The following SP140 variants were observed in gnomAD, a reference collection of about 807,000 sequenced individuals.
SP140 encodes the protein nuclear body protein SP140.
Under a neutral mutation model 125.0 loss-of-function variants are expected in SP140, and 81 were observed. The ratio of observed to expected loss-of-function variants is 0.65; its 90% CI spans 0.54 to 0.78. The LOEUF (loss-of-function observed/expected upper bound fraction) is 0.78. SP140 is among the 30% of genes least tolerant of loss of function. The pLI, the probability that SP140 is intolerant of heterozygous loss-of-function variation, is 0.00. For synonymous variants in SP140, 312 were observed against 354.0 expected (o/e 0.88, Z 1.33); for missense variants, 858 against 1,037.0 (o/e 0.83, Z 2.37).
upstream of SP140, chr2:230,202,436 T>C (rs2148860016): frequency 1.3e-6 from 1 of 741,740 alleles, no homozygotes; most frequent in Non-Finnish European, 2.2e-6. Context: ...CTCTCTTTGT[T>C]CCTCTTGTTA....
chr2:230,215,025 G>A, intron 3 of SP140: 1 of 1,613,538 alleles, frequency 6.2e-7, no homozygotes, highest in Non-Finnish European at 8.5e-7. Flanking sequence ...AATGTCACCA[G>A]AAGAGACAGG....
At position 230,310,628 on chromosome 2, in the gene SP140, C is replaced by T. The variant is rs570795921; in HGVS notation, c.2175-115C>T. 5.6e-5 allele frequency: 88 copies of T among 1,574,272 alleles called. 1 individual carries two copies. The highest frequency in any genetic ancestry group is 5.0e-4 in the South Asian group (44 of 87,276). Reference sequence around the variant, plus strand: ...CTTGCATACTTTGGGAGGTGTTCCCCTCCCTCCCATGACTGAGCCCATCAG... The same window carrying T: ...CTTGCATACTTTGGGAGGTGTTCCCTTCCCTCCCATGACTGAGCCCATCAG... On this transcript the variant is annotated intron_variant, in intron 23 of 26. Coordinates refer to ENST00000392045, the MANE Select transcript of SP140 (RefSeq NM_007237.5).
chr2:230,248,855 G>A (rs1413568423), intron 8 of SP140, 30 bp from the exon 9 acceptor site: 6 of 1,572,260 alleles, frequency 3.8e-6, no homozygotes, highest in Middle Eastern at 1.7e-4. Flanking sequence ...GTCACCCTCT[G>A]TGGTCTGTCA....
At chr2:230,207,386 C>A (rs1364889658) in intron 1 of SP140, among the ~76,000 whole-genome samples, 2 of 152,114 alleles carry the variant, frequency 1.3e-5, no homozygotes, top group African/African-American at 2.4e-5. Flanking sequence ...TGACCAGATA[C>A]CTTGTGTTCC....
chr2:230,299,924 C>A (rs1460682752), intron 22 of SP140, among the ~76,000 whole-genome samples: 1 of 152,084 alleles, frequency 6.6e-6, no homozygotes. Flanking sequence ...GGCCTGCAAG[C>A]CACCCCTCAT....
chr2:230,251,265 A>G (rs147019275), intron 10 of SP140, among the ~76,000 whole-genome samples: 2,080 of 152,338 alleles, frequency 0.014, 30 homozygotes, highest in Non-Finnish European at 0.022. Flanking sequence ...GTTTAACGGA[A>G]TGGGTTTTAT....
intron 3 of SP140, chr2:230,238,715 A>G: frequency 2.1e-6 from 3 of 1,397,594 alleles, no homozygotes; most frequent in Non-Finnish European, 3.0e-6. Context: ...GCCTTCTCTG[A>G]TATTTGCAGA....
At chr2:230,280,907 T>G (rs1049794306) in intron 15 of SP140, among the ~76,000 whole-genome samples, 6 of 152,196 alleles carry the variant, frequency 3.9e-5, no homozygotes, top group Non-Finnish European at 5.9e-5. Flanking sequence ...TAGTGAGTGA[T>G]CTCTAAGTGG....
intron 18 of SP140, among the ~76,000 whole-genome samples, chr2:230,289,038 G>A (rs750761744): frequency 2.0e-5 from 3 of 152,154 alleles, no homozygotes; most frequent in South Asian, 2.1e-4. Flanking sequence ...TTGAGGAATC[G>A]CCACACTGTC....
At chr2:230,212,910 G>T in intron 1 of SP140, 3 of 1,614,116 alleles carry the variant, frequency 1.9e-6, no homozygotes, top group South Asian at 2.2e-5. Flanking sequence ...GCTTGGTTGA[G>T]GGGGTTGTGG....
rs745848625 is a variant in SP140 at position 230,259,771 on chromosome 2, C to CATATATATATATATATATATAT, written c.1240+4243_1240+4264dup. ...TTTTTATGGCTGCGTAGTATTCCAT[C>CATATATATATATATATATATAT]ATATATATATATATATATATATATA... On this transcript the variant is annotated intron_variant, in intron 12 of 26. Transcript: ENST00000392045. 1.0e-2 allele frequency among the ~76,000 whole-genome samples: 846 copies of CATATATATATATATATATATAT among 84,924 alleles called. 33 individuals carry two copies. Among genetic ancestry groups the CATATATATATATATATATATAT allele is most frequent in the Non-Finnish European group, 0.013 (508 of 37,652 alleles). The allele number at this position is 84,924 out of a possible 152,430, so 55.7% of individuals were successfully genotyped here.
chr2:230,260,987 T>C (rs62191193), intron 12 of SP140, among the ~76,000 whole-genome samples: 18,189 of 152,136 alleles, frequency 0.12, 1,168 homozygotes, highest in Admixed American at 0.13. Context: ...AAGATGGTGG[T>C]ATTTTGATGG....
At chr2:230,273,359 A>T (rs574034108) in intron 15 of SP140, among the ~76,000 whole-genome samples, 1 of 152,356 alleles carries the variant, frequency 6.6e-6, no homozygotes, top group African/African-American at 2.4e-5. Context: ...AACATCACTG[A>T]TGATTAGAGA....
upstream of SP140, among the ~76,000 whole-genome samples, chr2:230,201,270 A>AG (rs1036353271): frequency 6.6e-6 from 1 of 152,290 alleles, no homozygotes; most frequent in African/African-American, 2.4e-5. Flanking sequence ...GTGAGCCCCT[A>AG]GGGGGTCTGT....
intron 3 of SP140, among the ~76,000 whole-genome samples, chr2:230,218,882 G>A (rs1235404371): frequency 1.9e-5 from 1 of 53,400 alleles, no homozygotes. Flanking sequence ...AAAAGAATAA[G>A]CCAAATGTGC....
At chr2:230,312,495 T>A in intron 26 of SP140, 91 bp from the exon 27 acceptor site, 8 of 787,424 alleles carry the variant, frequency 1.0e-5, no homozygotes, top group African/African-American at 1.8e-5. Context: ...CTTTTTTTTT[T>A]AAAGACAAGA....
upstream of SP140, among the ~76,000 whole-genome samples, chr2:230,198,239 G>A (rs2042969331): frequency 6.6e-6 from 1 of 152,164 alleles, no homozygotes; most frequent in Admixed American, 6.5e-5. Flanking sequence ...AAAGAATGTG[G>A]AGAGCTGCAA....
At chr2:230,239,149 T>A in intron 3 of SP140, 1 of 849,254 alleles carries the variant, frequency 1.2e-6, no homozygotes, top group Non-Finnish European at 1.6e-6. Context: ...AAAAAAGAGG[T>A]ATCTTGTTTT....
intron 3 of SP140, chr2:230,239,210 T>G (rs2048379349): frequency 3.2e-6 from 1 of 308,844 alleles, no homozygotes; most frequent in South Asian, 6.5e-5. Flanking sequence ...AGTCAAATAC[T>G]GTGCATGCCT....
Sources: gnomAD v4.1 joint callset for allele counts (sites outside exome capture counted in the v4.1 genomes callset) on GRCh38, gnomAD v4.1.1 for gene constraint, MANE v1.5 for transcripts, NCBI Gene and HGNC (gene_info 2026-07-23, HGNC 2026-07-21) for gene names.